The following CEP128 variants were observed in gnomAD, a reference collection of about 807,000 sequenced individuals.
The protein encoded by CEP128 is centrosomal protein 128kDa.
A neutral mutation model predicts 156.7 loss-of-function variants in CEP128; 132 were observed. The ratio of observed to expected loss-of-function variants is 0.84; its 90% CI spans 0.73 to 0.97. The LOEUF is 0.97. CEP128 is among the 50% of genes least tolerant of loss of function. The pLI is 0.00. For missense variants in CEP128, 1,252 were observed against 1,281.9 expected (o/e 0.98, Z 0.36); for synonymous variants, 469 against 448.9 (o/e 1.04, Z -0.57).
chr14:80,858,720 T>C (rs1173581943), intron 9 of CEP128, among the ~76,000 whole-genome samples: 3 of 150,996 alleles, frequency 2.0e-5, no homozygotes, highest in Non-Finnish European at 2.9e-5. Context: ...AACAACCCCA[T>C]CAAAAAGTGG....
chr14:80,680,192 C>A (rs1022046760), intron 19 of CEP128, among the ~76,000 whole-genome samples: 13 of 152,176 alleles, frequency 8.5e-5, no homozygotes, highest in Non-Finnish European at 1.8e-4. Flanking sequence ...AGAGCTGCTA[C>A]AGCTGTGGTT....
intron 24 of CEP128, among the ~76,000 whole-genome samples, chr14:80,498,569 A>G (rs1887598306): frequency 2.0e-5 from 3 of 152,128 alleles, no homozygotes; most frequent in Admixed American, 2.0e-4. Flanking sequence ...TACTATCAGG[A>G]AGATGCTTCC....
At chr14:80,836,009 A>G (rs2140064194) in intron 12 of CEP128, among the ~76,000 whole-genome samples, 196 bp downstream of exon 12, 1 of 152,326 alleles carries the variant, frequency 6.6e-6, no homozygotes, top group South Asian at 2.1e-4. Flanking sequence ...ATGGGTTTGA[A>G]CCAAGCAGGG....
chr14:80,678,920 G>A (rs1029107411), intron 19 of CEP128, among the ~76,000 whole-genome samples: 4 of 152,062 alleles, frequency 2.6e-5, no homozygotes, highest in African/African-American at 7.2e-5. Flanking sequence ...ATTTTAATAT[G>A]GACATATATC....
rs1883700992 is a variant in CEP128 at position 80,903,539 on chromosome 14, A to T, written c.480+1274T>A. Among the ~76,000 whole-genome samples the T allele has an allele frequency of 2.6e-5, 4 of 152,164 alleles. No individual in the cohort carries two copies. The South Asian group carries it at 8.3e-4, about 31-fold the overall frequency. ...ATATAAAGCTTCTGCATAGCAAAAGAAACAATTAATAAAGTGAAGAGACAA... is the reference window on the plus strand; with the variant it reads ...ATATAAAGCTTCTGCATAGCAAAAGTAACAATTAATAAAGTGAAGAGACAA... On this transcript the variant is annotated intron_variant, in intron 6 of 24. Transcript: ENST00000555265.
intron 19 of CEP128, among the ~76,000 whole-genome samples, chr14:80,703,614 G>A (rs568579761): frequency 6.6e-6 from 1 of 151,916 alleles, no homozygotes; most frequent in Non-Finnish European, 1.5e-5. Context: ...CACTTTTTAA[G>A]CTTATTATTG....
intron 21 of CEP128, among the ~76,000 whole-genome samples, chr14:80,555,722 C>T (rs909990932): frequency 8.6e-5 from 13 of 151,954 alleles, no homozygotes; most frequent in Non-Finnish European, 1.6e-4. Context: ...ACTACTGATT[C>T]TTCATATTTC....
At position 80,834,996 on chromosome 14, in the gene CEP128, T is replaced by A. The variant is rs372522933; in HGVS notation, c.1057+1209A>T. 5.8e-4 allele frequency among the ~76,000 whole-genome samples: 89 copies of A among 152,314 alleles called. 3 individuals carry two copies. In the South Asian group the frequency reaches 0.018, roughly 30 times the overall value. ...TTGGGTCACGTAGACAGGTCCCTCATGAACGGCTTGGTGTCCTTCTTGTAG... is the reference window on the plus strand; with the variant it reads ...TTGGGTCACGTAGACAGGTCCCTCAAGAACGGCTTGGTGTCCTTCTTGTAG... On this transcript the variant is annotated intron_variant, in intron 12 of 24. Transcript: ENST00000555265.
intron 19 of CEP128, among the ~76,000 whole-genome samples, chr14:80,705,954 G>A (rs963535044): frequency 6.6e-6 from 1 of 152,128 alleles, no homozygotes; most frequent in African/African-American, 2.4e-5. Flanking sequence ...TAACAATAAT[G>A]ACAGGTACAA....
intron 23 of CEP128, among the ~76,000 whole-genome samples, chr14:80,515,190 G>A (rs1888432463): frequency 2.0e-5 from 3 of 152,132 alleles, no homozygotes; most frequent in African/African-American, 7.2e-5. Context: ...GATGACTAAT[G>A]CCTGGCTGCT....
intron 9 of CEP128, among the ~76,000 whole-genome samples, chr14:80,860,943 T>C (rs964404439): frequency 6.6e-6 from 1 of 152,086 alleles, no homozygotes; most frequent in Non-Finnish European, 1.5e-5. Flanking sequence ...CCATTTGTTT[T>C]GAATCTTTTG....
At chr14:80,661,194 C>T (rs577166277) in intron 19 of CEP128, among the ~76,000 whole-genome samples, 18 of 151,554 alleles carry the variant, frequency 1.2e-4, no homozygotes, top group Non-Finnish European at 2.5e-4. Context: ...TAAAATAAAA[C>T]GTGCTCCCCC....
intron 19 of CEP128, among the ~76,000 whole-genome samples, chr14:80,675,397 T>G (rs1048846760): frequency 2.0e-5 from 3 of 152,042 alleles, no homozygotes; most frequent in Non-Finnish European, 4.4e-5. Context: ...CACAAAAATT[T>G]ACGCTACGCC....
intron 21 of CEP128, among the ~76,000 whole-genome samples, chr14:80,533,465 A>C (rs887258940): frequency 6.6e-6 from 1 of 152,202 alleles, no homozygotes; most frequent in Non-Finnish European, 1.5e-5. Context: ...ATGTTAAGTA[A>C]ATAGTTTTGC....
downstream of CEP128, among the ~76,000 whole-genome samples, chr14:80,487,968 T>C (rs1887206744): frequency 6.7e-6 from 1 of 149,918 alleles, no homozygotes; most frequent in Non-Finnish European, 1.5e-5. Flanking sequence ...TTAAAAGAAC[T>C]AGAAAAGCAA....
chr14:80,735,735 G>C (rs929393760), intron 19 of CEP128, among the ~76,000 whole-genome samples: 1 of 152,170 alleles, frequency 6.6e-6, no homozygotes, highest in East Asian at 1.9e-4. Flanking sequence ...TGTTAGCAAG[G>C]GTACCTTCCT....
At chr14:80,515,938 G>A (rs1004747507) in intron 23 of CEP128, among the ~76,000 whole-genome samples, 3 of 152,124 alleles carry the variant, frequency 2.0e-5, no homozygotes, top group African/African-American at 7.2e-5. Flanking sequence ...GTGCAACTGC[G>A]GCTCACTGCA....
chr14:80,665,213 G>C (rs1156804587), intron 19 of CEP128, among the ~76,000 whole-genome samples: 1 of 152,110 alleles, frequency 6.6e-6, no homozygotes, highest in Non-Finnish European at 1.5e-5. Context: ...GGGGCCAGTG[G>C]GGTATGTGAA....
chr14:80,753,457 T>C (rs1407678427), intron 18 of CEP128, among the ~76,000 whole-genome samples: 1 of 152,232 alleles, frequency 6.6e-6, no homozygotes, highest in Non-Finnish European at 1.5e-5. Flanking sequence ...CTGCCTGATG[T>C]GGAAGCACAG....
Sources: allele counts gnomAD v4.1 joint callset (sites outside exome capture counted in the v4.1 genomes callset), GRCh38; gene constraint gnomAD v4.1.1; transcripts MANE v1.5; gene names NCBI Gene and HGNC (gene_info 2026-07-23, HGNC 2026-07-21).